The following LRMDA variants were observed in gnomAD, a reference collection of about 807,000 sequenced individuals.
LRMDA encodes the protein leucine rich melanocyte differentiation associated.
LRMDA carries 18 observed loss-of-function variants against 29.8 expected under a neutral mutation model. The observed-to-expected ratio is 0.60, with a 90% CI of 0.42 to 0.90. The LOEUF (loss-of-function observed/expected upper bound fraction) is 0.90, where lower values mean the gene tolerates loss of function less well. Among genes scored for constraint, LRMDA ranks in the 40% least tolerant of loss-of-function variants. The probability of loss-of-function intolerance (pLI) is 0.00; values close to 1 mark genes in which losing one functional copy is unlikely to be tolerated. For missense variants in LRMDA, 273 were observed against 273.9 expected (o/e 1.00, Z 0.02); for synonymous variants, 125 against 109.4 (o/e 1.14, Z -0.89).
At chr10:75,711,802 T>G (rs762417542) in intron 2 of LRMDA, among the ~76,000 whole-genome samples, 1 of 152,108 alleles carries the variant, frequency 6.6e-6, no homozygotes, top group African/African-American at 2.4e-5. Flanking sequence ...AGGTAACTAT[T>G]TTTTGCTCTT....
intron 5 of LRMDA, among the ~76,000 whole-genome samples, chr10:76,109,252 CA>C (rs1433779936): frequency 6.6e-6 from 1 of 152,176 alleles, no homozygotes; most frequent in Non-Finnish European, 1.5e-5. Context: ...ACCTTAATAG[CA>C]TTAGTGACAA....
At chr10:75,672,533 C>T (rs1299240429) in intron 2 of LRMDA, among the ~76,000 whole-genome samples, 1,668 of 4,716 alleles carry the variant, frequency 0.35, 366 homozygotes, top group East Asian at 0.63. Flanking sequence ...TTCCTCCCCT[C>T]CCCTCCCCTC....
chr10:75,542,785 G>T (rs1474613545), intron 2 of LRMDA, among the ~76,000 whole-genome samples: 1 of 152,134 alleles, frequency 6.6e-6, no homozygotes, highest in East Asian at 1.9e-4. Flanking sequence ...ACACATGCAG[G>T]CCTGACTTGA....
At chr10:75,714,265 T>C (rs551822799) in intron 2 of LRMDA, among the ~76,000 whole-genome samples, 1 of 152,212 alleles carries the variant, frequency 6.6e-6, no homozygotes, top group Non-Finnish European at 1.5e-5. Context: ...AGATTATCTA[T>C]CACTCTGACA....
At chr10:76,152,354 C>T (rs916338785) in intron 5 of LRMDA, among the ~76,000 whole-genome samples, 1 of 152,118 alleles carries the variant, frequency 6.6e-6, no homozygotes, top group Non-Finnish European at 1.5e-5. Context: ...TCAGAACTTC[C>T]TTTCCTTTTT....
At chr10:76,177,721 A>T (rs1387125977) in intron 5 of LRMDA, among the ~76,000 whole-genome samples, 1 of 152,340 alleles carries the variant, frequency 6.6e-6, no homozygotes, top group African/African-American at 2.4e-5. Flanking sequence ...AGACCTCCCA[A>T]TTTTACAAGT....
intron 2 of LRMDA, among the ~76,000 whole-genome samples, chr10:75,495,413 G>T (rs892064592): frequency 6.6e-6 from 1 of 151,982 alleles, no homozygotes; most frequent in Non-Finnish European, 1.5e-5. Context: ...TGGTGGGCAT[G>T]GAGGGGACCA....
intron 6 of LRMDA, among the ~76,000 whole-genome samples, chr10:76,520,206 A>T (rs1168083153): frequency 6.6e-6 from 1 of 151,844 alleles, no homozygotes; most frequent in Admixed American, 6.6e-5. Flanking sequence ...CATAGTATAT[A>T]TTATTTTGTG....
At chr10:75,879,440 G>A (rs1056587759) in intron 2 of LRMDA, among the ~76,000 whole-genome samples, 2 of 152,196 alleles carry the variant, frequency 1.3e-5, no homozygotes, top group African/African-American at 2.4e-5. Context: ...CAGCAGTCTG[G>A]CATTAGCCAT....
At chr10:76,491,180 G>A (rs534968177) in intron 6 of LRMDA, among the ~76,000 whole-genome samples, 7 of 151,534 alleles carry the variant, frequency 4.6e-5, no homozygotes, top group Admixed American at 6.6e-5. Flanking sequence ...TTCATCTTTC[G>A]TCTTCCTACT....
At chr10:76,229,863 C>T (rs12161684) in intron 5 of LRMDA, among the ~76,000 whole-genome samples, 27,100 of 151,934 alleles carry the variant, frequency 0.18, 2,918 homozygotes, top group East Asian at 0.51. Context: ...GAGCCATTTT[C>T]GACTTCACCA....
intron 5 of LRMDA, among the ~76,000 whole-genome samples, chr10:76,070,047 T>C (rs1848850510): frequency 6.6e-6 from 1 of 152,210 alleles, no homozygotes; most frequent in Non-Finnish European, 1.5e-5. Context: ...ATTGGTTGCC[T>C]TATTAAAATG....
intron 2 of LRMDA, among the ~76,000 whole-genome samples, chr10:75,793,782 C>G (rs1371855345): frequency 6.6e-6 from 1 of 152,190 alleles, no homozygotes; most frequent in Non-Finnish European, 1.5e-5. Flanking sequence ...GTACAGATGA[C>G]ATGGAGCAGA....
At chr10:75,434,264 T>G (rs1844241158) in intron 1 of LRMDA, among the ~76,000 whole-genome samples, 1 of 152,182 alleles carries the variant, frequency 6.6e-6, no homozygotes, top group South Asian at 2.1e-4. Context: ...GAGTGGCCAC[T>G]GGGTGCCAAG....
chr10:75,986,508 AG>A (rs1268836320), intron 2 of LRMDA, among the ~76,000 whole-genome samples: 1 of 152,248 alleles, frequency 6.6e-6, no homozygotes, highest in Non-Finnish European at 1.5e-5. Flanking sequence ...CAATAATGAA[AG>A]CTTTTAGATG....
At chr10:75,894,153 A>G (rs1294946602) in intron 2 of LRMDA, among the ~76,000 whole-genome samples, 3 of 151,980 alleles carry the variant, frequency 2.0e-5, no homozygotes, top group Admixed American at 2.0e-4. Flanking sequence ...ACTGCATCCT[A>G]TTGTAGTCTT....
At chr10:76,524,147 T>C (rs1282051681) in intron 6 of LRMDA, among the ~76,000 whole-genome samples, 1 of 152,238 alleles carries the variant, frequency 6.6e-6, no homozygotes, top group Non-Finnish European at 1.5e-5. Context: ...ACCCAGTCCA[T>C]GTATCATAAT....
chr10:76,269,856 A>G (rs966302293), intron 5 of LRMDA, among the ~76,000 whole-genome samples: 1 of 152,232 alleles, frequency 6.6e-6, no homozygotes, highest in Non-Finnish European at 1.5e-5. Context: ...TTACATAGCT[A>G]GTAAGCAACA....
chr10:75,819,843 A>G (rs1348829027), intron 2 of LRMDA, among the ~76,000 whole-genome samples: 3 of 152,234 alleles, frequency 2.0e-5, no homozygotes, highest in Non-Finnish European at 1.5e-5. Context: ...ATATGTGACT[A>G]TTGAGCACTT....
Sources: allele counts gnomAD v4.1 joint callset (sites outside exome capture counted in the v4.1 genomes callset), GRCh38; gene constraint gnomAD v4.1.1; transcripts MANE v1.5; gene names NCBI Gene and HGNC (gene_info 2026-07-23, HGNC 2026-07-21).